Variants in RPAP2 observed in about 807,000 individuals in gnomAD.
RPAP2 encodes RNA polymerase II associated protein 2, also known as putative RNA polymerase II subunit B1 CTD phosphatase RPAP2.
Under a neutral mutation model 73.1 loss-of-function variants are expected in RPAP2, and 52 were observed. The ratio of observed to expected loss-of-function variants is 0.71; its 90% CI spans 0.57 to 0.90. The LOEUF is 0.90. Among genes scored for constraint, RPAP2 ranks in the 40% least tolerant of loss-of-function variants. RPAP2 has a pLI of 0.00. For missense variants in RPAP2, 598 were observed against 701.8 expected (o/e 0.85, Z 1.67); for synonymous variants, 225 against 242.1 (o/e 0.93, Z 0.65).
chr1:92,367,345 C>A (rs1654972371), intron 11 of RPAP2, among the ~76,000 whole-genome samples: 1 of 152,170 alleles, frequency 6.6e-6, no homozygotes, highest in African/African-American at 2.4e-5. Flanking sequence ...TCCCAGACGG[C>A]TTTTGCGTTT....
Position 92,347,482 on chromosome 1 carries a change from G to A in RPAP2, c.1688+1568G>A, listed in dbSNP as rs530908966. ...AGGCCTAGGCTCAGCACTAATCTCA[G>A]AATCTTGCTTTCTAAGCCACTTACT... is the stretch of plus-strand genomic sequence containing the variant. On this transcript the variant is annotated intron_variant, in intron 11 of 12. Coordinates refer to ENST00000610020, the MANE Select transcript of RPAP2 (RefSeq NM_024813.3). Among the ~76,000 whole-genome samples, 18 of 152,262 alleles carry A rather than the reference G, an allele frequency of 1.2e-4. No individual in the cohort carries two copies. In the South Asian group the frequency reaches 3.5e-3, roughly 30 times the overall value.
chr1:92,383,878 T>C (rs1473500522), intron 12 of RPAP2, among the ~76,000 whole-genome samples: 2 of 152,230 alleles, frequency 1.3e-5, no homozygotes, highest in East Asian at 1.9e-4. Flanking sequence ...TTTTTCAGTA[T>C]GATATTGGCT....
chr1:92,319,201 A>G (rs959928367), intron 6 of RPAP2, among the ~76,000 whole-genome samples: 1 of 152,178 alleles, frequency 6.6e-6, no homozygotes, highest in African/African-American at 2.4e-5. Flanking sequence ...CTCAGAAGCA[A>G]GTTTTTCTCT....
chr1:92,334,422 A>C (rs980189685), intron 9 of RPAP2, among the ~76,000 whole-genome samples: 1 of 152,154 alleles, frequency 6.6e-6, no homozygotes, highest in Non-Finnish European at 1.5e-5. Flanking sequence ...AGGAATTGTT[A>C]ATTTGGATGG....
chr1:92,304,078 A>C lies in RPAP2; in HGVS notation c.333+3A>C. On this transcript the variant is annotated splice_donor_region_variant and intron_variant, in intron 4 of 12. Transcript: ENST00000610020. ...TATGTCAGAAGAAGCTGGGAATTGT[A>C]AGTAACTCATTTTTTTTAAAATATA... The C allele has an allele frequency of 1.3e-6, 2 of 1,583,040 alleles. No individual in the cohort carries two copies. Among genetic ancestry groups the C allele is most frequent in the Non-Finnish European group, 1.7e-6 (2 of 1,161,994 alleles).
At chr1:92,311,021 C>T (rs1651564322) in intron 6 of RPAP2, among the ~76,000 whole-genome samples, 1 of 152,190 alleles carries the variant, frequency 6.6e-6, no homozygotes, top group Non-Finnish European at 1.5e-5. Context: ...AGCAAAACTT[C>T]TGTGAAACAA....
intron 6 of RPAP2, among the ~76,000 whole-genome samples, chr1:92,307,725 A>AT (rs1447868471): frequency 1.0e-4 from 4 of 39,222 alleles, no homozygotes; most frequent in Non-Finnish European, 1.6e-4. Flanking sequence ...ATTAAAAAGT[A>AT]ATTTTTTTTT....
intron 6 of RPAP2, among the ~76,000 whole-genome samples, chr1:92,311,786 T>C (rs890750557): frequency 3.9e-5 from 6 of 152,244 alleles, no homozygotes; most frequent in Non-Finnish European, 8.8e-5. Context: ...GTTTCCACTA[T>C]ACTGTAGTCT....
intron 1 of RPAP2, 84 bp downstream of exon 1, chr1:92,299,230 C>A (rs1650589932): frequency 2.5e-6 from 2 of 789,816 alleles, no homozygotes; most frequent in Non-Finnish European, 3.7e-6. Flanking sequence ...CGCGGGCGCT[C>A]CTGAAAGGCT....
Position 92,396,093 on chromosome 1 carries a change from G to C in RPAP2, c.*9082G>C, listed in dbSNP as rs1015008481. The C allele has an allele frequency of 6.6e-6, 1 of 152,164 alleles. No homozygotes were observed. The highest frequency in any genetic ancestry group is 1.9e-4 in the East Asian group (1 of 5,180). The allele number at this position is 152,164 out of a possible 1,614,324, so 9.4% of individuals were successfully genotyped here. On this transcript the variant is annotated 3_prime_UTR_variant, in exon 13 of 13. Transcript: ENST00000610020. The stretch of plus-strand genomic sequence containing the variant: ...ACCATATGATCCTGCTATTCCATGA[G>C]AAGAGAAGTGGAAATGTGTTCACAT...
intron 11 of RPAP2, among the ~76,000 whole-genome samples, chr1:92,351,863 T>A (rs1229379387): frequency 6.6e-6 from 1 of 152,172 alleles, no homozygotes; most frequent in Admixed American, 6.5e-5. Flanking sequence ...TATAAAAGCT[T>A]TGTAAATAAG....
intron 11 of RPAP2, among the ~76,000 whole-genome samples, chr1:92,350,589 C>T (rs1257425143): frequency 1.3e-5 from 2 of 152,144 alleles, no homozygotes; most frequent in Non-Finnish European, 2.9e-5. Flanking sequence ...ATGTTAGGCT[C>T]TTTCCACAAT....
intron 3 of RPAP2, among the ~76,000 whole-genome samples, chr1:92,303,147 C>A (rs1467935721): frequency 6.6e-6 from 1 of 152,150 alleles, no homozygotes; most frequent in South Asian, 2.1e-4. Flanking sequence ...AAACTCAAAG[C>A]TTCTATTACA....
At chr1:92,383,385 T>C (rs1334659426) in intron 12 of RPAP2, among the ~76,000 whole-genome samples, 1 of 152,268 alleles carries the variant, frequency 6.6e-6, no homozygotes, top group Admixed American at 6.5e-5. Flanking sequence ...ACGACATTGA[T>C]TCTTCCTACC....
chr1:92,371,889 CA>C (rs1164408246), intron 11 of RPAP2, among the ~76,000 whole-genome samples: 91 of 92,080 alleles, frequency 9.9e-4, no homozygotes, highest in Middle Eastern at 5.7e-3. Context: ...GACCCTGTCT[CA>C]AAAAAAAAAA....
chr1:92,312,493 A>C (rs1651650252), intron 6 of RPAP2, among the ~76,000 whole-genome samples: 1 of 152,164 alleles, frequency 6.6e-6, no homozygotes, highest in Non-Finnish European at 1.5e-5. Context: ...GGAATATTCT[A>C]AATCTTGTGT....
At position 92,333,464 on chromosome 1, in the gene RPAP2, TGAGTA is replaced by T. The variant is rs772722639; in HGVS notation, c.1530_1534del (p.Lys512ValfsTer20). The T allele has an allele frequency of 9.0e-5, 145 of 1,611,278 alleles. No individual in the cohort carries two copies. The highest frequency in any genetic ancestry group is 1.2e-4 in the Non-Finnish European group (142 of 1,177,674). ...AGAAAACGCATCGTACTTGAAAAGT[TGAGTA>T]AAGTGTAAGTATGTAATTGCCATTC... On this transcript the variant is annotated frameshift_variant, in exon 9 of 13. Transcript: ENST00000610020. LOFTEE classifies it high-confidence loss of function.
intron 8 of RPAP2, among the ~76,000 whole-genome samples, chr1:92,331,568 A>G (rs1423796912): frequency 6.6e-6 from 1 of 152,136 alleles, no homozygotes; most frequent in Non-Finnish European, 1.5e-5. Context: ...GTAAGTTAAT[A>G]CTTTTATTGC....
rs184850481 is a variant in RPAP2 at position 92,321,314 on chromosome 1, G to A, written c.524+680G>A. Among the ~76,000 whole-genome samples, 272 of 152,194 alleles carry A rather than the reference G, an allele frequency of 1.8e-3. 3 individuals carry two copies. The highest frequency in any genetic ancestry group is 6.0e-3 in the African/African-American group (249 of 41,536). On this transcript the variant is annotated intron_variant, in intron 7 of 12. Coordinates refer to ENST00000610020, the MANE Select transcript of RPAP2 (RefSeq NM_024813.3). Reference sequence around the variant, plus strand: ...AAAGTTAAATTGTTCTAATTTTTTTGAGCTTACACCTATTTTTACTTTTCT... The same window carrying A: ...AAAGTTAAATTGTTCTAATTTTTTTAAGCTTACACCTATTTTTACTTTTCT...
Sources: gnomAD v4.1 joint callset for allele counts (sites outside exome capture counted in the v4.1 genomes callset) on GRCh38, gnomAD v4.1.1 for gene constraint, MANE v1.5 for transcripts, NCBI Gene and HGNC (gene_info 2026-07-23, HGNC 2026-07-21) for gene names.